Variants in ZNF462 observed in about 807,000 individuals in gnomAD.
The protein encoded by ZNF462 is zinc finger PBX1-interacting protein.
In ZNF462, 10 loss-of-function variants were observed where a neutral mutation model predicts 201.9. That is an observed-to-expected ratio of 0.05 (90% CI 0.03 to 0.08). The LOEUF is 0.08. Ranked by LOEUF, ZNF462 falls within the 10% of genes least tolerant of loss-of-function variation. The probability of loss-of-function intolerance (pLI) is 1.00; values close to 1 mark genes in which losing one functional copy is unlikely to be tolerated. For synonymous variants in ZNF462, 1,227 were observed against 1,193.3 expected, an observed-to-expected ratio of 1.03 and a Z score of -0.58; for missense variants, 2,523 against 3,168.3, an observed-to-expected ratio of 0.80 and a Z score of 4.89.
chr9:106,947,259 A>G (rs1831151504), intron 7 of ZNF462, among the ~76,000 whole-genome samples: 1 of 152,198 alleles, frequency 6.6e-6, no homozygotes, highest in Admixed American at 6.5e-5. Flanking sequence ...TTCCCAGCAC[A>G]CTGCTTGTGG....
chr9:106,862,601 C>T (rs1388258759), upstream of ZNF462, among the ~76,000 whole-genome samples: 1 of 150,706 alleles, frequency 6.6e-6, no homozygotes, highest in Non-Finnish European at 1.5e-5. The surrounding 1 kb of genome is among the most constrained non-coding windows in gnomAD (Gnocchi z 4.2). Flanking sequence ...ACCACCACCT[C>T]CTCCTCCTCT....
At chr9:106,922,513 G>A (rs569795822) in intron 1 of ZNF462, among the ~76,000 whole-genome samples, 1 of 152,280 alleles carries the variant, frequency 6.6e-6, no homozygotes, top group African/African-American at 2.4e-5. Context: ...AAAAGGTAAA[G>A]TCATGACTTA....
In ZNF462 at chr9:106,909,164, T is replaced by C. The variant is rs1393827910; in HGVS notation, c.-30-14190T>C. The stretch of plus-strand genomic sequence containing the variant: ...TTTTTAGTAGAGATGGGTTTCACCA[T>C]GTTGGCCAGACTGGTCTTGAACTCC... On this transcript the variant is annotated intron_variant, in intron 1 of 12. Transcript: ENST00000277225. Among the ~76,000 whole-genome samples, 3 of 151,082 alleles carry C rather than the reference T, an allele frequency of 2.0e-5. No homozygotes were observed. The South Asian group carries it at 6.3e-4, about 32-fold the overall frequency.
rs543639808 is a variant in ZNF462 at position 106,938,850 on chromosome 9, C to T, written c.6236-66C>T. 1 of 1,467,784 alleles carries T rather than the reference C, an allele frequency of 6.8e-7. No homozygotes were observed. The highest frequency in any genetic ancestry group is 2.4e-5 in the East Asian group (1 of 42,486). The allele number at this position is 1,467,784 out of a possible 1,614,324, so 90.9% of individuals were successfully genotyped here. A position where few individuals can be genotyped will look rare whatever the true frequency, so the allele number is the denominator to read the frequency against. On this transcript the variant is annotated intron_variant, in intron 6 of 12. Transcript: ENST00000277225. The surrounding 1 kb of genome is among the most constrained non-coding windows in gnomAD (Gnocchi z 4.4). ...TGAGTTAACTGAGTTATCTTGTTTC[C>T]ACCCTGGCCTTATACCCTTCTCCCC...
At chr9:106,918,263 C>T (rs1044850702) in intron 1 of ZNF462, among the ~76,000 whole-genome samples, 2 of 152,064 alleles carry the variant, frequency 1.3e-5, no homozygotes, top group African/African-American at 4.8e-5. Context: ...GCCCCCAGCT[C>T]TTGTTAAATT....
At position 106,984,564 on chromosome 9, in the gene ZNF462, C is replaced by T. The variant is rs542933260; in HGVS notation, c.7056+155C>T. 2.0e-5 allele frequency among the ~76,000 whole-genome samples: 3 copies of T among 152,210 alleles called. No individual in the cohort carries two copies. Among genetic ancestry groups the T allele is most frequent in the Non-Finnish European group, 2.9e-5 (2 of 68,014 alleles). On this transcript the variant is annotated intron_variant, in intron 10 of 12. Transcript: ENST00000277225. This position sits in a 1 kb window ranked among gnomAD's most constrained non-coding sequence, Gnocchi z 6.4. ...GAGGTCTAGTTTCTTCTATTAGAAA[C>T]GTAAGGTCATTTTTAAAAATTGCGA...
At chr9:106,873,442 G>A (rs1382985590) in intron 1 of ZNF462, among the ~76,000 whole-genome samples, 1 of 151,670 alleles carries the variant, frequency 6.6e-6, no homozygotes, top group African/African-American at 2.4e-5. Context: ...AAAAGGTGTT[G>A]TACTTTTTTT....
At chr9:106,973,991 A>G (rs1399096655) in intron 8 of ZNF462, 146 bp from the exon 9 acceptor site, 4 of 1,080,014 alleles carry the variant, frequency 3.7e-6, no homozygotes, top group Admixed American at 4.4e-5. Flanking sequence ...CTGGGTGGTC[A>G]ACAAACATGA....
At chr9:106,864,041 T>TCGCG (rs1564062298) in intron 1 of ZNF462, among the ~76,000 whole-genome samples, 24 of 24,006 alleles carry the variant, frequency 1.0e-3, no homozygotes, top group Admixed American at 4.3e-3. Context: ...GGTATTTGGC[T>TCGCG]CTCTCTCTCT....
Position 106,925,687 on chromosome 9 carries a change from C to A in ZNF462, c.1775C>A (p.Thr592Lys). The change falls in exon 3 of 13, where the codon ACA becomes AAA. Residue 592 changes from threonine to lysine, a missense_variant. Transcript: ENST00000277225. This position sits in a 1 kb window ranked among gnomAD's most constrained non-coding sequence, Gnocchi z 7.9. ...PPPTQQPQPPTQAAPLHPYKC... is the reference protein window; with the variant it reads ...PPPTQQPQPPKQAAPLHPYKC... ...CCAACGCAGCAGCCACAGCCACCCA[C>A]ACAAGCCGCACCTCTGCACCCATAC... The A allele has an allele frequency of 1.2e-6, 2 of 1,614,184 alleles. No individual in the cohort carries two copies. Among genetic ancestry groups the A allele is most frequent in the Non-Finnish European group, 1.7e-6 (2 of 1,180,036 alleles).
At chr9:106,891,170 A>G (rs1828559784) in intron 1 of ZNF462, among the ~76,000 whole-genome samples, 2 of 152,206 alleles carry the variant, frequency 1.3e-5, no homozygotes, top group African/African-American at 4.8e-5. Flanking sequence ...TGAATAAATA[A>G]CAACAAGAGA....
chr9:106,887,650 A>G (rs1400031087), intron 1 of ZNF462, among the ~76,000 whole-genome samples: 1 of 152,242 alleles, frequency 6.6e-6, no homozygotes, highest in African/African-American at 2.4e-5. Context: ...AGCTAAACCC[A>G]CATTGTATAT....
At chr9:106,964,377 A>G (rs1259528302) in intron 7 of ZNF462, among the ~76,000 whole-genome samples, 1 of 152,070 alleles carries the variant, frequency 6.6e-6, no homozygotes, top group African/African-American at 2.4e-5. Flanking sequence ...AATCCTTTTC[A>G]AAATGCCTTA....
At chr9:106,869,757 GA>G (rs1484157415) in intron 1 of ZNF462, among the ~76,000 whole-genome samples, 3 of 151,952 alleles carry the variant, frequency 2.0e-5, no homozygotes, top group Non-Finnish European at 4.4e-5. Flanking sequence ...ACTAAAGGAA[GA>G]AAAAAAAGTT....
At position 106,929,165 on chromosome 9, in the gene ZNF462, C is replaced by T. The variant is rs146614277; in HGVS notation, c.5253C>T (p.Asp1751=). 22 of 1,614,012 alleles carry T rather than the reference C, an allele frequency of 1.4e-5. No individual in the cohort carries two copies. The highest frequency in any genetic ancestry group is 1.1e-4 in the African/African-American group (8 of 74,902). The change falls in exon 3 of 13, where the codon GAC becomes GAT. Residue 1751 remains aspartate (D), a synonymous_variant. Transcript: ENST00000277225. The surrounding 1 kb of genome is among the most constrained non-coding windows in gnomAD (Gnocchi z 8.7). ...NKVIIPSPPK[D]DSPQLSEELR... ...TGATCATCCCATCCCCGCCCAAGGA[C>T]GACTCCCCTCAGCTGAGCGAGGAAC...
At chr9:106,918,167 G>T (rs1428259804) in intron 1 of ZNF462, among the ~76,000 whole-genome samples, 1 of 152,036 alleles carries the variant, frequency 6.6e-6, no homozygotes, top group Admixed American at 6.6e-5. Context: ...GAGCCACCAC[G>T]CCCTGCCTGC....
In ZNF462 at chr9:106,928,758, C is replaced by T; in HGVS notation, c.4846C>T (p.Pro1616Ser). 1 of 1,614,148 alleles carries T rather than the reference C, an allele frequency of 6.2e-7. No homozygotes were observed. Among genetic ancestry groups the T allele is most frequent in the Non-Finnish European group, 8.5e-7 (1 of 1,180,030 alleles). Reference sequence around the variant, plus strand: ...CTTTTCCCAGTCGCCCCCGAAGCTGCCAGTCCCCCTCGAGCCCGAGATGAC... The same window carrying T: ...CTTTTCCCAGTCGCCCCCGAAGCTGTCAGTCCCCCTCGAGCCCGAGATGAC... ...DVFSQSPPKL[P>S]VPLEPEMTTE... is the part of the protein sequence containing the mutation. The change falls in exon 3 of 13, where the codon CCA becomes TCA. Residue 1616 changes from proline to serine, a missense_variant. Physicochemically the swap from Pro to Ser is moderately conservative, Grantham distance 74. This residue lies in a region of ZNF462 where 200 missense variants were observed against 281.3 expected (regional missense o/e 0.71). Coordinates refer to ENST00000277225, the MANE Select transcript of ZNF462 (RefSeq NM_021224.6). This position sits in a 1 kb window ranked among gnomAD's most constrained non-coding sequence, Gnocchi z 9.3.
Position 107,005,948 on chromosome 9 carries a change from C to T in ZNF462, c.7189+2522C>T, listed in dbSNP as rs1829514496. On this transcript the variant is annotated intron_variant, in intron 11 of 12. Transcript: ENST00000277225. This position sits in a 1 kb window ranked among gnomAD's most constrained non-coding sequence, Gnocchi z 4.4. ...CATTTATTGAAGAGACTGCCCTTTC[C>T]CCATTATGTGTTCTTGGCACCTTTG... 6.6e-6 allele frequency among the ~76,000 whole-genome samples: 1 copy of T among 152,150 alleles called. No homozygotes were observed. Among genetic ancestry groups the T allele is most frequent in the African/African-American group, 2.4e-5 (1 of 41,434 alleles).
chr9:106,916,820 GTT>G (rs572116339), intron 1 of ZNF462, among the ~76,000 whole-genome samples: 1 of 151,920 alleles, frequency 6.6e-6, no homozygotes, highest in South Asian at 2.1e-4. Context: ...ATTTTGTTTT[GTT>G]TTGTTTCTAA....
Sources: gnomAD v4.1 joint callset for allele counts (sites outside exome capture counted in the v4.1 genomes callset) on GRCh38, gnomAD v4.1.1 for gene constraint, gnomAD v4.1.1 regional missense constraint, Gnocchi (gnomAD v3.1) non-coding constraint, MANE v1.5 for transcripts, NCBI Gene and HGNC (gene_info 2026-07-23, HGNC 2026-07-21) for gene names.